PLCB1: variants seen among roughly 807,000 people sequenced by gnomAD.
PLCB1 encodes the protein 1-phosphatidylinositol 4,5-bisphosphate phosphodiesterase beta-1.
A neutral mutation model predicts 161.8 loss-of-function variants in PLCB1; 46 were observed. That is an observed-to-expected ratio of 0.28 (90% CI 0.22 to 0.36). PLCB1 has a LOEUF of 0.36. Among genes scored for constraint, PLCB1 ranks in the 10% least tolerant of loss-of-function variants. The pLI is 1.00. For missense variants in PLCB1, 1,016 were observed against 1,472.5 expected (o/e 0.69, Z 5.07); for synonymous variants, 517 against 503.7 (o/e 1.03, Z -0.35).
At chr20:8,857,573 C>T (rs6086652) in intron 31 of PLCB1, among the ~76,000 whole-genome samples, 43,076 of 152,018 alleles carry the variant, frequency 0.28, 7,387 homozygotes, top group East Asian at 0.65. Context: ...TGGTTGTATA[C>T]CAAACTGTGG....
chr20:8,265,257 A>G (rs1421646314), intron 2 of PLCB1, among the ~76,000 whole-genome samples: 1 of 152,182 alleles, frequency 6.6e-6, no homozygotes. Context: ...TGAGGATTAA[A>G]TGAGTGAATG....
intron 2 of PLCB1, among the ~76,000 whole-genome samples, chr20:8,318,688 A>T (rs200895962): frequency 6.6e-6 from 1 of 151,784 alleles, no homozygotes; most frequent in African/African-American, 2.4e-5. Flanking sequence ...TCCTGTGTTT[A>T]TTTTTTTTGG....
Position 8,358,409 on chromosome 20 carries a change from C to T in PLCB1, c.178-12973C>T, listed in dbSNP as rs114055852. Among the ~76,000 whole-genome samples the T allele has an allele frequency of 4.2e-3, 635 of 152,134 alleles. 4 individuals are homozygous for T. The highest frequency in any genetic ancestry group is 0.014 in the African/African-American group (594 of 41,512). ...GATTCCAGGCACCCTCCAACATGCC[C>T]GGCTAATTATTTTTGTATTTTTGTA... is the stretch of plus-strand genomic sequence containing the variant. On this transcript the variant is annotated intron_variant, in intron 2 of 31. Coordinates refer to ENST00000338037, the MANE Select transcript of PLCB1 (RefSeq NM_015192.4).
chr20:8,455,837 T>C (rs6118199), intron 3 of PLCB1, among the ~76,000 whole-genome samples: 1,695 of 152,276 alleles, frequency 0.011, 38 homozygotes, highest in African/African-American at 0.039. Flanking sequence ...AAATGGATGC[T>C]TACGCAGATT....
At chr20:8,492,429 A>C (rs1225618942) in intron 3 of PLCB1, among the ~76,000 whole-genome samples, 1 of 151,998 alleles carries the variant, frequency 6.6e-6, no homozygotes, top group Non-Finnish European at 1.5e-5. Context: ...GCATCAGAGA[A>C]AGTTTTATGG....
At chr20:8,357,807 G>A (rs1022864932) in intron 2 of PLCB1, among the ~76,000 whole-genome samples, 2 of 152,110 alleles carry the variant, frequency 1.3e-5, no homozygotes, top group African/African-American at 2.4e-5. Flanking sequence ...TTAGTTCATC[G>A]CCCAATTTAA....
At chr20:8,644,140 C>T (rs1458762979) in intron 4 of PLCB1, among the ~76,000 whole-genome samples, 3 of 152,186 alleles carry the variant, frequency 2.0e-5, no homozygotes, top group Non-Finnish European at 4.4e-5. Flanking sequence ...GATCTCGGCT[C>T]GCTACAACAT....
intron 23 of PLCB1, chr20:8,750,774 C>A: frequency 1.7e-6 from 2 of 1,172,580 alleles, no homozygotes; most frequent in African/African-American, 1.6e-5. Context: ...TCTAACAAAG[C>A]TACTTTCTGA....
At chr20:8,540,155 A>G (rs1379990054) in intron 3 of PLCB1, among the ~76,000 whole-genome samples, 1 of 152,128 alleles carries the variant, frequency 6.6e-6, no homozygotes, top group Non-Finnish European at 1.5e-5. Flanking sequence ...AAGAAAAAAG[A>G]AAGTTTGCAT....
At chr20:8,140,769 T>TAAC (rs1025301431) in intron 1 of PLCB1, among the ~76,000 whole-genome samples, 1 of 152,078 alleles carries the variant, frequency 6.6e-6, no homozygotes, top group Non-Finnish European at 1.5e-5. Flanking sequence ...GTCCTTTTAG[T>TAAC]AACAACAACA....
At chr20:8,439,131 T>A (rs1980437383) in intron 3 of PLCB1, among the ~76,000 whole-genome samples, 1 of 152,206 alleles carries the variant, frequency 6.6e-6, no homozygotes, top group South Asian at 2.1e-4. Context: ...GGAGATTCAG[T>A]AAATATTTTG....
At chr20:8,270,531 T>C (rs1309327218) in intron 2 of PLCB1, among the ~76,000 whole-genome samples, 1 of 152,142 alleles carries the variant, frequency 6.6e-6, no homozygotes, top group Non-Finnish European at 1.5e-5. Context: ...TTTTCATATA[T>C]GTTACAGCAT....
intron 3 of PLCB1, among the ~76,000 whole-genome samples, chr20:8,394,241 C>T (rs146248991): frequency 1.7e-3 from 265 of 152,220 alleles, no homozygotes; most frequent in Admixed American, 3.8e-3. Flanking sequence ...TATGGTTTCA[C>T]ATCTTATGAC....
chr20:8,818,849 T>C (rs900396605), intron 31 of PLCB1, among the ~76,000 whole-genome samples: 1 of 150,602 alleles, frequency 6.6e-6, no homozygotes, highest in Non-Finnish European at 1.5e-5. Flanking sequence ...GCTGAGGCAG[T>C]AGAATCGCTT....
intron 3 of PLCB1, among the ~76,000 whole-genome samples, chr20:8,533,253 C>A (rs1238740429): frequency 6.6e-6 from 1 of 151,712 alleles, no homozygotes; most frequent in Admixed American, 6.6e-5. Context: ...TTTCTTAATC[C>A]AGTCTATCAT....
intron 31 of PLCB1, among the ~76,000 whole-genome samples, chr20:8,844,405 C>G (rs559367882): frequency 6.6e-6 from 1 of 152,146 alleles, no homozygotes; most frequent in Non-Finnish European, 1.5e-5. Context: ...AGCAAGGGCA[C>G]CACTGTCCAA....
intron 2 of PLCB1, among the ~76,000 whole-genome samples, chr20:8,367,166 A>AC (rs1465840834): frequency 1.6e-4 from 25 of 152,216 alleles, no homozygotes; most frequent in African/African-American, 5.8e-4. Context: ...CAGTAAGTGT[A>AC]ATATTTTTAT....
At chr20:8,870,296 A>G (rs1364685461) in intron 31 of PLCB1, among the ~76,000 whole-genome samples, 1 of 152,222 alleles carries the variant, frequency 6.6e-6, no homozygotes, top group African/African-American at 2.4e-5. Context: ...GGATTTGAGT[A>G]TAATTGCTAA....
chr20:8,827,785 AACG>A (rs1260909506), intron 31 of PLCB1, among the ~76,000 whole-genome samples: 4 of 152,250 alleles, frequency 2.6e-5, no homozygotes, highest in Admixed American at 6.5e-5. Context: ...AAAATAATCA[AACG>A]AAGAAGAATA....
Sources: gnomAD v4.1 joint callset for allele counts (sites outside exome capture counted in the v4.1 genomes callset) on GRCh38, gnomAD v4.1.1 for gene constraint, MANE v1.5 for transcripts, NCBI Gene and HGNC (gene_info 2026-07-23, HGNC 2026-07-21) for gene names.